TTC23: variants seen among roughly 807,000 people sequenced by gnomAD.
The protein encoded by TTC23 is tetratricopeptide repeat protein 23.
TTC23 carries 58 observed loss-of-function variants against 55.1 expected under a neutral mutation model. The ratio of observed to expected loss-of-function variants is 1.05; its 90% CI spans 0.85 to 1.31. The LOEUF (loss-of-function observed/expected upper bound fraction) is 1.31, where lower values mean the gene tolerates loss of function less well. Ranked by LOEUF, TTC23 falls within the 50% of genes most tolerant of loss-of-function variation. TTC23 has a pLI of 0.00. For missense variants in TTC23, 516 were observed against 534.4 expected (o/e 0.97, Z 0.34); for synonymous variants, 203 against 199.9 (o/e 1.02, Z -0.13).
intron 8 of TTC23, among the ~76,000 whole-genome samples, chr15:99,215,450 A>G (rs1174968807): frequency 6.6e-6 from 1 of 152,150 alleles, no homozygotes; most frequent in Non-Finnish European, 1.5e-5. Context: ...CTAGAATAAA[A>G]AGAAGATAAC....
chr15:99,232,678 G>A (rs1311550330), intron 4 of TTC23, among the ~76,000 whole-genome samples: 1 of 152,100 alleles, frequency 6.6e-6, no homozygotes, highest in Non-Finnish European at 1.5e-5. Context: ...GTGGAGAAAA[G>A]GGAATCCTTG....
At chr15:99,159,687 C>T (rs924924813) in intron 11 of TTC23, 1 of 152,238 alleles carries the variant, frequency 6.6e-6, no homozygotes, top group Non-Finnish European at 1.5e-5. Flanking sequence ...GTGGACGGTA[C>T]TGTGGGCCAT....
chr15:99,146,538 A>C (rs1401392319), intron 12 of TTC23, among the ~76,000 whole-genome samples: 1 of 152,230 alleles, frequency 6.6e-6, no homozygotes, highest in Non-Finnish European at 1.5e-5. Context: ...CGAAGCTCCG[A>C]AAAACCGCTA....
At chr15:99,242,278 A>T (rs2079877904) in intron 2 of TTC23, among the ~76,000 whole-genome samples, 1 of 152,132 alleles carries the variant, frequency 6.6e-6, no homozygotes, top group Non-Finnish European at 1.5e-5. Context: ...AATACCAAAA[A>T]AATAGTGATA....
At chr15:99,172,446 C>T (rs1389101544) in intron 10 of TTC23, among the ~76,000 whole-genome samples, 20 of 152,344 alleles carry the variant, frequency 1.3e-4, no homozygotes. Flanking sequence ...TGCCTTCATT[C>T]TTCCTGTGTC....
rs534720270 is a variant in TTC23 at position 99,230,918 on chromosome 15, G to T, written c.-20-2186C>A. On this transcript the variant is annotated intron_variant, in intron 4 of 13. Coordinates refer to ENST00000394132, the MANE Select transcript of TTC23 (RefSeq NM_001288615.3). Reference sequence around the variant, plus strand: ...TACAAAACAGACGACCTTGGAAATGGTACGTACATGGGCAAATGTGTAAGG... The same window carrying T: ...TACAAAACAGACGACCTTGGAAATGTTACGTACATGGGCAAATGTGTAAGG... Among the ~76,000 whole-genome samples the T allele has an allele frequency of 2.6e-5, 4 of 152,306 alleles. No homozygotes were observed. The South Asian group carries it at 6.2e-4, about 24-fold the overall frequency.
At chr15:99,197,557 A>G (rs1025359617) in intron 9 of TTC23, among the ~76,000 whole-genome samples, 1 of 151,970 alleles carries the variant, frequency 6.6e-6, no homozygotes. Context: ...GCTCTTTACA[A>G]ACTTATTTAT....
At chr15:99,190,120 C>T (rs1282479854) in intron 9 of TTC23, among the ~76,000 whole-genome samples, 1 of 151,870 alleles carries the variant, frequency 6.6e-6, no homozygotes, top group Non-Finnish European at 1.5e-5. Flanking sequence ...GGCGAGGCTG[C>T]AGTGAGCTGT....
chr15:99,177,837 T>C (rs1000366305), intron 9 of TTC23, among the ~76,000 whole-genome samples: 2 of 152,168 alleles, frequency 1.3e-5, no homozygotes, highest in African/African-American at 4.8e-5. Flanking sequence ...TTTTTTGCCA[T>C]GGAGACAGAA....
intron 9 of TTC23, among the ~76,000 whole-genome samples, chr15:99,176,175 G>T (rs1467189183): frequency 6.6e-6 from 1 of 152,160 alleles, no homozygotes; most frequent in Non-Finnish European, 1.5e-5. Flanking sequence ...TCACACTTAG[G>T]ATTGCCTACT....
chr15:99,143,731 T>G (rs2068504542), intron 12 of TTC23, among the ~76,000 whole-genome samples: 1 of 152,208 alleles, frequency 6.6e-6, no homozygotes, highest in Non-Finnish European at 1.5e-5. Flanking sequence ...AGCTTTTCTT[T>G]CCCTTGCAGG....
intron 11 of TTC23, chr15:99,158,292 T>C (rs904507860): frequency 6.6e-6 from 1 of 152,220 alleles, no homozygotes; most frequent in African/African-American, 2.4e-5. Flanking sequence ...GTGATATTTC[T>C]GTGGGAAAAT....
intron 1 of TTC23, among the ~76,000 whole-genome samples, chr15:99,245,774 T>TA (rs1209725389): frequency 6.7e-6 from 1 of 150,156 alleles, no homozygotes; most frequent in Non-Finnish European, 1.5e-5. Context: ...CAGTAAGAGG[T>TA]AAAACTATAA....
intron 5 of TTC23, among the ~76,000 whole-genome samples, chr15:99,227,206 GT>G (rs932071919): frequency 6.6e-6 from 1 of 152,100 alleles, no homozygotes; most frequent in Admixed American, 6.5e-5. Flanking sequence ...TCCTGTATTT[GT>G]TATACTGATG....
Position 99,218,907 on chromosome 15 carries a change from G to A in TTC23, c.446C>T (p.Ser149Phe), listed in dbSNP as rs746739734. 3 of 1,612,970 alleles carry A rather than the reference G, an allele frequency of 1.9e-6. No individual in the cohort carries two copies. Among genetic ancestry groups the A allele is most frequent in the Non-Finnish European group, 2.5e-6 (3 of 1,179,402 alleles). ...AGAGGCAAAAGGATACTTTTGAAGG[G>A]AGAGTAAAGCTCTGCCCATGGTATG... ...LFHTMGRALL[S>F]LQKFKEAAEN... Residue 149 changes from serine to phenylalanine, a missense_variant, in exon 7 of 14, where the codon TCC becomes TTC. By Grantham distance (155) the Ser-to-Phe change is radical. Transcript: ENST00000394132.
Position 99,161,958 on chromosome 15 carries a change from T to C in TTC23, c.866-91A>G, listed in dbSNP as rs2071434508. The C allele has an allele frequency of 5.8e-6, 8 of 1,383,462 alleles. No homozygotes were observed. The South Asian group carries it at 7.6e-5, about 13-fold the overall frequency. 85.7% of individuals were successfully genotyped at this position (1,383,462 alleles called of 1,614,324 possible). A position where few individuals can be genotyped will look rare whatever the true frequency, so the allele number is the denominator to read the frequency against. On this transcript the variant is annotated intron_variant, in intron 10 of 13. Coordinates refer to ENST00000394132, the MANE Select transcript of TTC23 (RefSeq NM_001288615.3). ...TATACTGTTAGCAGTGTTGAGCTAT[T>C]TGGAAAGAGGTATTGGGACAAGAAA...
intron 10 of TTC23, 149 bp downstream of exon 10, chr15:99,174,901 T>A (rs1189668711): frequency 1.6e-6 from 1 of 618,748 alleles, no homozygotes; most frequent in Non-Finnish European, 2.8e-6. Flanking sequence ...AGCAGCAGAG[T>A]AGCATAGGGG....
At chr15:99,173,423 A>G (rs2073182201) in intron 10 of TTC23, among the ~76,000 whole-genome samples, 1 of 152,146 alleles carries the variant, frequency 6.6e-6, no homozygotes, top group Non-Finnish European at 1.5e-5. Flanking sequence ...TCTTTAAAAA[A>G]GAATTTTTTA....
intron 9 of TTC23, among the ~76,000 whole-genome samples, chr15:99,180,869 G>A (rs2074047350): frequency 6.6e-6 from 1 of 152,182 alleles, no homozygotes; most frequent in South Asian, 2.1e-4. Context: ...AACACTCAGC[G>A]AGGAGACAAT....
Sources: allele counts gnomAD v4.1 joint callset (sites outside exome capture counted in the v4.1 genomes callset), GRCh38; gene constraint gnomAD v4.1.1; transcripts MANE v1.5; gene names NCBI Gene and HGNC (gene_info 2026-07-23, HGNC 2026-07-21).